The following CPAMD8 variants were observed in gnomAD, a reference collection of about 807,000 sequenced individuals.
CPAMD8 encodes the protein C3 and PZP like alpha-2-macroglobulin domain containing 8, also known as C3 and PZP-like alpha-2-macroglobulin domain-containing protein 8.
Under a neutral mutation model 224.7 loss-of-function variants are expected in CPAMD8, and 146 were observed. That is an observed-to-expected ratio of 0.65 (90% confidence interval 0.57 to 0.75). The LOEUF (loss-of-function observed/expected upper bound fraction) is 0.75. CPAMD8 is among the 30% of genes least tolerant of loss of function. The pLI is 0.00. For synonymous variants in CPAMD8, 966 were observed against 1,044.6 expected (o/e 0.92, Z 1.45); for missense variants, 2,301 against 2,537.5 (o/e 0.91, Z 2.00).
At chr19:16,946,515 TTGTGTG>T (rs141742862) in intron 21 of CPAMD8, among the ~76,000 whole-genome samples, 2 of 138,066 alleles carry the variant, frequency 1.4e-5, no homozygotes, top group Admixed American at 7.1e-5. Flanking sequence ...GTGTGTGGAT[TTGTGTG>T]TGTGTGTGAA....
chr19:16,977,718 C>CT, intron 14 of CPAMD8, among the ~76,000 whole-genome samples, 178 bp from the exon 15 acceptor site: 1 of 152,174 alleles, frequency 6.6e-6, no homozygotes, highest in Non-Finnish European at 1.5e-5. Context: ...AATGCTGACT[C>CT]TTTCTATTGA....
intron 23 of CPAMD8, among the ~76,000 whole-genome samples, chr19:16,933,136 C>T (rs1403651642): frequency 6.6e-6 from 1 of 151,978 alleles, no homozygotes; most frequent in East Asian, 1.9e-4. Flanking sequence ...GCACAGTTGG[C>T]TATCCAAATG....
chr19:16,956,342 T>C (rs1000526596), intron 19 of CPAMD8, among the ~76,000 whole-genome samples: 2 of 152,276 alleles, frequency 1.3e-5, no homozygotes, highest in African/African-American at 4.8e-5. Flanking sequence ...GGGCCCTACA[T>C]TGAGGACCCT....
chr19:16,916,752 T>C lies in CPAMD8; in HGVS notation c.3630-1939A>G, dbSNP rs149801126. ...AGACCCTGTCTCAGACAAAAAAGAATAAATAAATAAATAGATAAAATAAAA... is the reference window on the plus strand; with the variant it reads ...AGACCCTGTCTCAGACAAAAAAGAACAAATAAATAAATAGATAAAATAAAA... On this transcript the variant is annotated intron_variant, in intron 27 of 41. Coordinates refer to ENST00000443236, the MANE Select transcript of CPAMD8 (RefSeq NM_015692.5). Among the ~76,000 whole-genome samples the C allele has an allele frequency of 3.1e-3, 477 of 151,800 alleles. 3 individuals are homozygous for C. The highest frequency in any genetic ancestry group is 0.011 in the African/African-American group (463 of 41,436).
intron 29 of CPAMD8, among the ~76,000 whole-genome samples, chr19:16,910,304 G>T (rs2052676979): frequency 6.6e-6 from 1 of 151,890 alleles, no homozygotes; most frequent in Admixed American, 6.6e-5. Flanking sequence ...CGAGTAGCTG[G>T]GATTACAGGC....
intron 25 of CPAMD8, among the ~76,000 whole-genome samples, chr19:16,925,761 T>A (rs1161498146): frequency 3.3e-5 from 5 of 151,036 alleles, no homozygotes; most frequent in Non-Finnish European, 3.0e-5. Flanking sequence ...CTAAAATATT[T>A]TTTTTTTTTT....
At chr19:16,978,790 C>T (rs1489382095) in intron 14 of CPAMD8, among the ~76,000 whole-genome samples, 1 of 151,910 alleles carries the variant, frequency 6.6e-6, no homozygotes, top group African/African-American at 2.4e-5. Flanking sequence ...TCTATCCATC[C>T]ATCCATCTCT....
At chr19:16,942,162 T>G (rs1167734725) in intron 22 of CPAMD8, among the ~76,000 whole-genome samples, 2 of 152,044 alleles carry the variant, frequency 1.3e-5, no homozygotes, top group East Asian at 3.9e-4. Flanking sequence ...CTCTTTTCTT[T>G]ACTAATTATC....
chr19:16,900,887 T>C (rs1442034668), intron 36 of CPAMD8, among the ~76,000 whole-genome samples: 3 of 151,742 alleles, frequency 2.0e-5, no homozygotes, highest in South Asian at 4.2e-4. Context: ...TAGTGCATGC[T>C]TGTAGTCCCA....
At position 17,018,757 on chromosome 19, in the gene CPAMD8, A is replaced by C. The variant is rs959451032; in HGVS notation, c.267+1574T>G. 4.7e-5 allele frequency among the ~76,000 whole-genome samples: 6 copies of C among 127,432 alleles called. No homozygotes were observed. The East Asian group carries it at 6.2e-4, about 13-fold the overall frequency. 83.6% of individuals were successfully genotyped at this position (127,432 alleles called of 152,430 possible). A position where few individuals can be genotyped will look rare whatever the true frequency, so the allele number is the denominator to read the frequency against. Reference sequence around the variant, plus strand: ...ACACACACACACACACACACACACAAAATTAGCCAGTCTTGATGGTGCATG... The same window carrying C: ...ACACACACACACACACACACACACACAATTAGCCAGTCTTGATGGTGCATG... On this transcript the variant is annotated intron_variant, in intron 3 of 41. Transcript: ENST00000443236.
chr19:16,946,550 G>GAC (rs2054100556), intron 21 of CPAMD8, among the ~76,000 whole-genome samples: 2 of 142,970 alleles, frequency 1.4e-5, no homozygotes, highest in African/African-American at 2.6e-5. Flanking sequence ...TACACATGTG[G>GAC]GCGTGTGTGT....
At chr19:16,961,727 A>ACC (rs1224274426) in intron 18 of CPAMD8, among the ~76,000 whole-genome samples, 1 of 152,060 alleles carries the variant, frequency 6.6e-6, no homozygotes, top group Admixed American at 6.6e-5. Flanking sequence ...TGGGTCCCTG[A>ACC]CCCCCATGTA....
chr19:17,011,601 G>A lies in CPAMD8; in HGVS notation c.424C>T (p.Gln142Ter). 6.2e-7 allele frequency: 1 copy of A among 1,614,192 alleles called. No individual in the cohort carries two copies. Among genetic ancestry groups the A allele is most frequent in the Non-Finnish European group, 8.5e-7 (1 of 1,180,038 alleles). ...IQTDKPVYRP[Q>*]HRVLISIFTV... ...CATGCTGGCCACTCACCTCGGTGCT[G>A]GGGTCTGTACACAGGCTTGTCCGTC... is the stretch of plus-strand genomic sequence containing the variant. Residue 142 changes from glutamine (Q) to a stop codon, truncating the protein, a stop_gained, in exon 4 of 42, where the codon CAG becomes TAG. Transcript: ENST00000443236. LOFTEE classifies it high-confidence loss of function.
intron 22 of CPAMD8, among the ~76,000 whole-genome samples, chr19:16,943,670 T>A (rs1357891870): frequency 6.6e-6 from 1 of 152,212 alleles, no homozygotes; most frequent in South Asian, 2.1e-4. Context: ...GGACATTTCC[T>A]AAAATAGAAA....
At chr19:16,999,892 G>A (rs1432486829) in intron 10 of CPAMD8, among the ~76,000 whole-genome samples, 1 of 151,980 alleles carries the variant, frequency 6.6e-6, no homozygotes, top group East Asian at 1.9e-4. Context: ...TGGTCAGGCT[G>A]GTCTCGAATT....
chr19:16,933,543 A>G (rs2053603657), intron 23 of CPAMD8, among the ~76,000 whole-genome samples: 2 of 152,076 alleles, frequency 1.3e-5, no homozygotes, highest in Admixed American at 1.3e-4. Context: ...ACGTTTTTCC[A>G]CAAAAAAAAA....
At chr19:16,984,606 T>C (rs1256684966) in intron 13 of CPAMD8, among the ~76,000 whole-genome samples, 3 of 152,194 alleles carry the variant, frequency 2.0e-5, no homozygotes, top group Admixed American at 1.3e-4. Flanking sequence ...AGTGAAAAGA[T>C]AACCCATAGT....
chr19:16,995,239 C>T (rs1366275884), intron 11 of CPAMD8, among the ~76,000 whole-genome samples: 1 of 152,114 alleles, frequency 6.6e-6, no homozygotes, highest in African/African-American at 2.4e-5. Flanking sequence ...GGACAGCCAG[C>T]CAGCATCACT....
At chr19:16,957,221 G>A (rs1436206852) in intron 19 of CPAMD8, among the ~76,000 whole-genome samples, 7 of 152,292 alleles carry the variant, frequency 4.6e-5, no homozygotes, top group Admixed American at 2.6e-4. Flanking sequence ...ACAGCACCTT[G>A]TGCCTGGAGG....
Sources: allele counts gnomAD v4.1 joint callset (sites outside exome capture counted in the v4.1 genomes callset), GRCh38; gene constraint gnomAD v4.1.1; transcripts MANE v1.5; gene names NCBI Gene and HGNC (gene_info 2026-07-23, HGNC 2026-07-21).